The following EXOC2 variants were observed in gnomAD, a reference collection of about 807,000 sequenced individuals.
EXOC2 encodes exocyst complex component 2.
A neutral mutation model predicts 131.8 loss-of-function variants in EXOC2; 70 were observed. That is an observed-to-expected ratio of 0.53 (90% CI 0.44 to 0.65). The LOEUF (loss-of-function observed/expected upper bound fraction) is 0.65, where lower values mean the gene tolerates loss of function less well. EXOC2 is among the 30% of genes least tolerant of loss of function. The pLI is 0.00. For missense variants in EXOC2, 923 were observed against 1,108.6 expected (o/e 0.83, Z 2.38); for synonymous variants, 411 against 398.4 (o/e 1.03, Z -0.38).
At chr6:572,113 T>C (rs1236004921) in intron 13 of EXOC2, among the ~76,000 whole-genome samples, 1 of 152,232 alleles carries the variant, frequency 6.6e-6, no homozygotes, top group Non-Finnish European at 1.5e-5. Context: ...ATGGATGACT[T>C]TGTTCCGGGT....
At chr6:690,392 C>A (rs930200489) in intron 1 of EXOC2, among the ~76,000 whole-genome samples, 2 of 152,116 alleles carry the variant, frequency 1.3e-5, no homozygotes, top group Non-Finnish European at 2.9e-5. Context: ...GATGCCGATG[C>A]GTGTGTCACC....
chr6:564,824 A>AC, intron 14 of EXOC2, 40 bp downstream of exon 14: 1 of 1,593,666 alleles, frequency 6.3e-7, no homozygotes, highest in East Asian at 2.2e-5. Context: ...GAAAAACCCT[A>AC]CCCTGTGAAA....
intron 1 of EXOC2, among the ~76,000 whole-genome samples, chr6:646,651 C>G (rs1465703460): frequency 1.3e-5 from 2 of 152,084 alleles, no homozygotes; most frequent in Admixed American, 1.3e-4. Flanking sequence ...GCAAAATGCA[C>G]AAATAAGCAA....
At chr6:509,193 C>T (rs2127500739) in intron 23 of EXOC2, among the ~76,000 whole-genome samples, 1 of 152,302 alleles carries the variant, frequency 6.6e-6, no homozygotes, top group African/African-American at 2.4e-5. Context: ...ATGGATGTAT[C>T]ATAATCTATT....
chr6:492,946 T>C (rs1169107342), intron 25 of EXOC2, among the ~76,000 whole-genome samples: 1 of 152,222 alleles, frequency 6.6e-6, no homozygotes, highest in Admixed American at 6.5e-5. Flanking sequence ...AAGTTAAGCT[T>C]TCACTTCTAC....
intron 1 of EXOC2, among the ~76,000 whole-genome samples, chr6:662,547 A>G (rs1459300461): frequency 6.6e-6 from 1 of 152,230 alleles, no homozygotes; most frequent in Non-Finnish European, 1.5e-5. Flanking sequence ...ACCTGCTCCC[A>G]AATGAGCATT....
intron 12 of EXOC2, among the ~76,000 whole-genome samples, chr6:576,419 C>T (rs571695751): frequency 1.8e-4 from 27 of 152,266 alleles, no homozygotes; most frequent in African/African-American, 6.0e-4. Context: ...CTACTTTTAT[C>T]GCAAATTCCA....
chr6:502,752 A>G (rs565488142), intron 23 of EXOC2, among the ~76,000 whole-genome samples: 103 of 152,360 alleles, frequency 6.8e-4, no homozygotes, highest in Non-Finnish European at 1.3e-3. Context: ...TCAAAGACGT[A>G]ACCTTGGACA....
chr6:639,900 G>A (rs1174782035), intron 1 of EXOC2, among the ~76,000 whole-genome samples: 1 of 152,160 alleles, frequency 6.6e-6, no homozygotes, highest in African/African-American at 2.4e-5. Flanking sequence ...AAACCGGTGA[G>A]GTCCAGATGC....
At chr6:612,131 T>C (rs1760746563) in intron 6 of EXOC2, among the ~76,000 whole-genome samples, 1 of 152,228 alleles carries the variant, frequency 6.6e-6, no homozygotes, top group South Asian at 2.1e-4. Context: ...AATGCTAGCC[T>C]GTGTGAGACA....
intron 23 of EXOC2, among the ~76,000 whole-genome samples, chr6:513,482 T>C (rs368264895): frequency 3.2e-4 from 49 of 152,362 alleles, no homozygotes; most frequent in Middle Eastern, 3.4e-3. Flanking sequence ...ACAAGAATAT[T>C]AGTTTCTTTC....
At chr6:527,421 T>C (rs1008474257) in intron 23 of EXOC2, among the ~76,000 whole-genome samples, 3 of 152,240 alleles carry the variant, frequency 2.0e-5, no homozygotes, top group Non-Finnish European at 4.4e-5. Context: ...TCAACAAACA[T>C]AGACTTGAGA....
rs763433308 is a variant in EXOC2, at chr6:486,318, C to T, written c.*353G>A. 14 of 198,416 alleles carry T rather than the reference C, an allele frequency of 7.1e-5. No individual in the cohort carries two copies. Among genetic ancestry groups the T allele is most frequent in the South Asian group, 2.4e-4 (2 of 8,470 alleles). The allele number at this position is 198,416 out of a possible 1,614,324, so 12.3% of individuals were successfully genotyped here. A position where few individuals can be genotyped will look rare whatever the true frequency, so the allele number is the denominator to read the frequency against. On this transcript the variant is annotated 3_prime_UTR_variant, in exon 28 of 28. Coordinates refer to ENST00000230449, the MANE Select transcript of EXOC2 (RefSeq NM_018303.6). ...TGGGAGCTGCCTGCGCTTCCGTGAA[C>T]GGGACACTGAGAAATGCTTCAATAT...
intron 26 of EXOC2, among the ~76,000 whole-genome samples, chr6:490,690 A>G (rs1763380205): frequency 6.6e-6 from 1 of 152,190 alleles, no homozygotes; most frequent in Non-Finnish European, 1.5e-5. Flanking sequence ...GTTCTGCTTC[A>G]CTTCACCTAC....
rs142236070 is a variant in EXOC2 at position 558,827 on chromosome 6, TA to T, written c.1852-2264del. Among the ~76,000 whole-genome samples the T allele has an allele frequency of 9.4e-5, 14 of 149,634 alleles. No individual in the cohort carries two copies. In the South Asian group the frequency reaches 2.5e-3, roughly 27 times the overall value. ...ACTCCGGCTCAAAAAAATTAAAAATTAAAAAAAAAATAAGTAAATGTTGATG... is the reference window on the plus strand; with the variant it reads ...ACTCCGGCTCAAAAAAATTAAAAATTAAAAAAAAATAAGTAAATGTTGATG... On this transcript the variant is annotated intron_variant, in intron 17 of 27. Coordinates refer to ENST00000230449, the MANE Select transcript of EXOC2 (RefSeq NM_018303.6).
chr6:513,782 T>C (rs374444404), intron 23 of EXOC2, among the ~76,000 whole-genome samples: 55 of 152,342 alleles, frequency 3.6e-4, no homozygotes, highest in Middle Eastern at 3.4e-3. Flanking sequence ...CTGAAGTAAA[T>C]TGATACAAAA....
intron 1 of EXOC2, among the ~76,000 whole-genome samples, chr6:658,092 GTTGAAA>G (rs1417961743): frequency 2.1e-4 from 32 of 152,114 alleles, no homozygotes; most frequent in African/African-American, 7.2e-4. Flanking sequence ...GTTTGACTCA[GTTGAAA>G]TCTTTTTTGG....
chr6:607,436 T>G (rs572246665), intron 7 of EXOC2, among the ~76,000 whole-genome samples: 8 of 152,328 alleles, frequency 5.3e-5, no homozygotes, highest in African/African-American at 1.9e-4. Flanking sequence ...CCTAGATAGT[T>G]TCGAGCAACA....
chr6:502,629 A>G (rs1306639497), intron 23 of EXOC2, among the ~76,000 whole-genome samples: 2 of 152,288 alleles, frequency 1.3e-5, no homozygotes, highest in South Asian at 2.1e-4. Context: ...ATAAAGGCAC[A>G]GGACCCTTTG....
Sources: gnomAD v4.1 joint callset for allele counts (sites outside exome capture counted in the v4.1 genomes callset) on GRCh38, gnomAD v4.1.1 for gene constraint, MANE v1.5 for transcripts, NCBI Gene and HGNC (gene_info 2026-07-23, HGNC 2026-07-21) for gene names.